SNW1: variants seen among roughly 807,000 people sequenced by gnomAD.
The protein encoded by SNW1 is SNW domain containing 1.
Under a neutral mutation model 75.6 loss-of-function variants are expected in SNW1, and 9 were observed. The observed-to-expected ratio is 0.12, with a 90% CI of 0.07 to 0.21. SNW1 has a LOEUF of 0.21. Among genes scored for constraint, SNW1 ranks in the 10% least tolerant of loss-of-function variants. The probability of loss-of-function intolerance (pLI) is 1.00; values close to 1 mark genes in which losing one functional copy is unlikely to be tolerated. For synonymous variants in SNW1, 200 were observed against 219.1 expected (o/e 0.91, Z 0.77); for missense variants, 409 against 670.9 (o/e 0.61, Z 4.31).
At chr14:77,730,226 T>G (rs1272344437) in intron 10 of SNW1, among the ~76,000 whole-genome samples, 2 of 152,174 alleles carry the variant, frequency 1.3e-5, no homozygotes, top group East Asian at 3.9e-4. Context: ...ATATCCTCTT[T>G]CCCTGTATTA....
intron 3 of SNW1, among the ~76,000 whole-genome samples, chr14:77,747,157 G>A (rs557358950): frequency 2.6e-4 from 39 of 152,318 alleles, no homozygotes; most frequent in African/African-American, 8.4e-4. Flanking sequence ...AACCGTGAGT[G>A]ATCTGCCAGC....
chr14:77,730,504 C>G (rs114324778), intron 10 of SNW1, among the ~76,000 whole-genome samples: 2,153 of 152,174 alleles, frequency 0.014, 56 homozygotes, highest in African/African-American at 0.049. Context: ...ACTTAGGACT[C>G]GACTTCCCAC....
chr14:77,750,710 C>T (rs1300464667), intron 3 of SNW1, among the ~76,000 whole-genome samples: 1 of 151,726 alleles, frequency 6.6e-6, no homozygotes, highest in African/African-American at 2.4e-5. Context: ...TTCCTTGGCC[C>T]TGAGTGTAGC....
At position 77,718,053 on chromosome 14, in the gene SNW1, G is replaced by C. The variant is rs374534671; in HGVS notation, c.*35C>G. ...ATATGACTTGCATCATTAGGGTTAT[G>C]GGTAAGAGTTCATTCACTTTGGAGA... On this transcript the variant is annotated 3_prime_UTR_variant, in exon 14 of 14. Coordinates refer to ENST00000261531, the MANE Select transcript of SNW1 (RefSeq NM_012245.3). 52 of 1,515,724 alleles carry C rather than the reference G, an allele frequency of 3.4e-5. No individual in the cohort carries two copies. The highest frequency in any genetic ancestry group is 4.6e-5 in the Non-Finnish European group (52 of 1,129,520). 93.9% of individuals were successfully genotyped at this position (1,515,724 alleles called of 1,614,324 possible). A position where few individuals can be genotyped will look rare whatever the true frequency, so the allele number is the denominator to read the frequency against.
Position 77,751,845 on chromosome 14 carries a change from C to CCA in SNW1, c.169-367_169-366dup, listed in dbSNP as rs1555388653. Among the ~76,000 whole-genome samples the CCA allele has an allele frequency of 6.1e-3, 747 of 122,592 alleles. 5 individuals carry two copies. The highest frequency in any genetic ancestry group is 7.4e-3 in the African/African-American group (197 of 26,686). The allele number at this position is 122,592 out of a possible 152,430, so 80.4% of individuals were successfully genotyped here. On this transcript the variant is annotated intron_variant, in intron 2 of 13. Coordinates refer to ENST00000261531, the MANE Select transcript of SNW1 (RefSeq NM_012245.3). ...ACACACACACACACACACACACACA[C>CCA]CACACACACACACACACAAAGCATT...
intron 6 of SNW1, 116 bp from the exon 7 acceptor site, chr14:77,736,122 C>T (rs1479916533): frequency 2.4e-5 from 17 of 698,974 alleles, no homozygotes; most frequent in Non-Finnish European, 3.9e-5. Context: ...AAAACAGAGA[C>T]TGTATAATGA....
intron 1 of SNW1, chr14:77,760,657 C>T (rs567591632): frequency 4.3e-6 from 3 of 702,242 alleles, no homozygotes; most frequent in Middle Eastern, 2.3e-4. Context: ...TTTCAGGAAT[C>T]CTTGTTTCGG....
intron 7 of SNW1, 83 bp downstream of exon 7, chr14:77,735,854 C>T: frequency 3.3e-6 from 3 of 921,474 alleles, no homozygotes; most frequent in South Asian, 3.1e-5. Context: ...TGGTGACATG[C>T]ACCTGTATAG....
intron 10 of SNW1, among the ~76,000 whole-genome samples, chr14:77,725,112 T>A (rs1043341511): frequency 6.6e-6 from 1 of 152,252 alleles, no homozygotes; most frequent in African/African-American, 2.4e-5. Flanking sequence ...GCTGAACATT[T>A]TTTCATACAC....
chr14:77,748,147 A>C (rs1413106782), intron 3 of SNW1, among the ~76,000 whole-genome samples: 1 of 152,148 alleles, frequency 6.6e-6, no homozygotes, highest in African/African-American at 2.4e-5. Context: ...TGCTGTGTCC[A>C]CTCAGGGTTA....
intron 12 of SNW1, among the ~76,000 whole-genome samples, chr14:77,719,743 A>G (rs868706770): frequency 2.2e-4 from 34 of 152,226 alleles, no homozygotes; most frequent in African/African-American, 8.2e-4. Flanking sequence ...TTCCTCATCT[A>G]TAACATAAGA....
Position 77,755,063 on chromosome 14 carries a change from T to C in SNW1, c.72A>G (p.Ala24=), listed in dbSNP as rs1419376112. 1 of 1,612,962 alleles carries C rather than the reference T, an allele frequency of 6.2e-7. No individual in the cohort carries two copies. The highest frequency in any genetic ancestry group is 8.5e-7 in the Non-Finnish European group (1 of 1,179,916). ...AGGTCTGCCGTGATCTCTGGGATCT[T>C]GCCTTTTCTTCAGCCTCAAGCTGGT... ...SQDQLEAEEK[A]RSQRSRQTSL... Residue 24 remains alanine (A), a synonymous_variant, in exon 2 of 14, where the codon GCA becomes GCG. Coordinates refer to ENST00000261531, the MANE Select transcript of SNW1 (RefSeq NM_012245.3).
At chr14:77,744,144 A>G (rs1386208726) in intron 3 of SNW1, among the ~76,000 whole-genome samples, 1 of 151,452 alleles carries the variant, frequency 6.6e-6, no homozygotes, top group Non-Finnish European at 1.5e-5. Flanking sequence ...TCAAAAAAAA[A>G]AAAAAAGAAA....
At chr14:77,752,795 T>C (rs941286834) in intron 2 of SNW1, among the ~76,000 whole-genome samples, 1 of 152,234 alleles carries the variant, frequency 6.6e-6, no homozygotes, top group Non-Finnish European at 1.5e-5. Context: ...CTTTAAGTAA[T>C]ACTCCGTTAG....
At chr14:77,738,654 T>G in intron 5 of SNW1, 124 bp downstream of exon 5, 1 of 689,898 alleles carries the variant, frequency 1.4e-6, no homozygotes, top group Non-Finnish European at 2.5e-6. Context: ...TAGACAGGCT[T>G]TGAGTCATTA....
chr14:77,748,100 A>G (rs1333890940), intron 3 of SNW1, among the ~76,000 whole-genome samples: 2 of 152,218 alleles, frequency 1.3e-5, no homozygotes, highest in East Asian at 3.8e-4. Context: ...GCTGTTAATC[A>G]TAACCTTACC....
At chr14:77,751,838 A>ACAC (rs1555388674) in intron 2 of SNW1, among the ~76,000 whole-genome samples, 51 of 124,786 alleles carry the variant, frequency 4.1e-4, no homozygotes, top group Admixed American at 1.0e-3. Context: ...ACACACACAC[A>ACAC]CACACACCAC....
chr14:77,731,663 AT>A lies in SNW1; in HGVS notation c.892-535del, dbSNP rs913587781. Among the ~76,000 whole-genome samples, 7 of 152,216 alleles carry A rather than the reference AT, an allele frequency of 4.6e-5. No homozygotes were observed. The South Asian group carries it at 6.2e-4, about 14-fold the overall frequency. On this transcript the variant is annotated intron_variant, in intron 9 of 13. Transcript: ENST00000261531. ...GGGTACTCACTGTGATACAAAAGAC[AT>A]TTTTTTTATGTTCCAAACACATGCT...
At chr14:77,737,146 A>G in intron 5 of SNW1, 71 bp from the exon 6 acceptor site, 1 of 1,078,716 alleles carries the variant, frequency 9.3e-7, no homozygotes. Context: ...CTTCTATTAC[A>G]ATCTTAAGCT....
Sources: gnomAD v4.1 joint callset for allele counts (sites outside exome capture counted in the v4.1 genomes callset) on GRCh38, gnomAD v4.1.1 for gene constraint, MANE v1.5 for transcripts, NCBI Gene and HGNC (gene_info 2026-07-23, HGNC 2026-07-21) for gene names.